PCDHA1: variants seen among roughly 807,000 people sequenced by gnomAD.
The protein encoded by PCDHA1 is protocadherin alpha-1.
A neutral mutation model predicts 61.3 loss-of-function variants in PCDHA1; 42 were observed. The ratio of observed to expected loss-of-function variants is 0.69; its 90% CI spans 0.54 to 0.89. The LOEUF is 0.89. Ranked by LOEUF, PCDHA1 falls within the 40% of genes least tolerant of loss-of-function variation. PCDHA1 has a pLI of 0.00. For missense variants in PCDHA1, 1,256 were observed against 1,235.3 expected (o/e 1.02, Z -0.25); for synonymous variants, 610 against 553.8 (o/e 1.10, Z -1.43).
chr5:140,954,996 A>G (rs879953600), intron 1 of PCDHA1, among the ~76,000 whole-genome samples: 16 of 152,214 alleles, frequency 1.1e-4, no homozygotes, highest in Non-Finnish European at 1.6e-4. Flanking sequence ...GCATATGGCT[A>G]GCCAATTCTC....
In PCDHA1 at chr5:140,965,644, G is replaced by C. The variant is rs201197561; in HGVS notation, c.2395-13305G>C. On this transcript the variant is annotated intron_variant, in intron 1 of 3. Transcript: ENST00000504120. Reference sequence around the variant, plus strand: ...AAAGAAAAAATTTTAAATTACTCTTGAAAGAAAATGTCTTGGGTGATAAAT... The same window carrying C: ...AAAGAAAAAATTTTAAATTACTCTTCAAAGAAAATGTCTTGGGTGATAAAT... Among the ~76,000 whole-genome samples, 13 of 152,146 alleles carry C rather than the reference G, an allele frequency of 8.5e-5. No individual in the cohort carries two copies. The East Asian group carries it at 2.5e-3, about 29-fold the overall frequency.
chr5:140,907,034 C>G (rs1554192846), intron 1 of PCDHA1, among the ~76,000 whole-genome samples: 1 of 152,142 alleles, frequency 6.6e-6, no homozygotes, highest in Admixed American at 6.5e-5. Context: ...AACATAATGT[C>G]ACAGGGACAG....
chr5:140,873,181 T>C (rs2153284921), intron 1 of PCDHA1, among the ~76,000 whole-genome samples: 1 of 152,304 alleles, frequency 6.6e-6, no homozygotes, highest in African/African-American at 2.4e-5. Flanking sequence ...TGTATCATAA[T>C]ATTCATTGGC....
intron 2 of PCDHA1, among the ~76,000 whole-genome samples, chr5:140,981,337 G>A (rs2096927522): frequency 6.6e-6 from 1 of 152,146 alleles, no homozygotes; most frequent in African/African-American, 2.4e-5. Context: ...ACTTTGGGAG[G>A]GTGAGGCAGG....
At chr5:140,825,266 T>C (rs1768494140) in intron 1 of PCDHA1, 2 of 151,016 alleles carry the variant, frequency 1.3e-5, no homozygotes, top group African/African-American at 4.8e-5. Flanking sequence ...AGGTATGTGA[T>C]TGGTTATTTT....
At chr5:140,977,816 T>C (rs2096776197) in intron 1 of PCDHA1, among the ~76,000 whole-genome samples, 1 of 152,190 alleles carries the variant, frequency 6.6e-6, no homozygotes, top group Non-Finnish European at 1.5e-5. Flanking sequence ...TTATTGACAG[T>C]TTTGAATGGT....
intron 1 of PCDHA1, among the ~76,000 whole-genome samples, chr5:140,952,680 G>A (rs1013469820): frequency 6.6e-6 from 1 of 152,128 alleles, no homozygotes; most frequent in Middle Eastern, 3.2e-3. Flanking sequence ...CACATTTTCA[G>A]GATCTTTATA....
chr5:140,937,292 C>T (rs575821972), intron 1 of PCDHA1, among the ~76,000 whole-genome samples: 2 of 152,238 alleles, frequency 1.3e-5, no homozygotes, highest in African/African-American at 4.8e-5. Context: ...CCGCTTCGGC[C>T]TCCCAAAGTG....
Position 141,010,331 on chromosome 5 carries a change from T to C in PCDHA1, c.*394T>C. 6.5e-7 allele frequency: 1 copy of C among 1,537,904 alleles called. No homozygotes were observed. Among genetic ancestry groups the C allele is most frequent in the Non-Finnish European group, 8.8e-7 (1 of 1,142,160 alleles). On this transcript the variant is annotated 3_prime_UTR_variant, in exon 4 of 4. Transcript: ENST00000504120. The stretch of plus-strand genomic sequence containing the variant: ...TTTTGAGATTGAGCAGCTTGGGAGT[T>C]TGTGGCCACTGGGTATGTGTGGCTA...
chr5:140,834,454 G>A, intron 1 of PCDHA1: 1 of 1,614,182 alleles, frequency 6.2e-7, no homozygotes, highest in South Asian at 1.1e-5. Flanking sequence ...CTAGCAGCTT[G>A]GGAGGCAGGG....
chr5:140,968,632 C>T, intron 1 of PCDHA1: 1 of 1,614,176 alleles, frequency 6.2e-7, no homozygotes, highest in Non-Finnish European at 8.5e-7. Flanking sequence ...GGCTTTTTTA[C>T]CATCTAGCCC....
Position 140,842,885 on chromosome 5 carries a change from C to T in PCDHA1, c.2394+54201C>T. 2 of 1,594,162 alleles carry T rather than the reference C, an allele frequency of 1.3e-6. 1 individual carries two copies. The highest frequency in any genetic ancestry group is 1.7e-6 in the Non-Finnish European group (2 of 1,165,432). On this transcript the variant is annotated intron_variant, in intron 1 of 3. Coordinates refer to ENST00000504120, the MANE Select transcript of PCDHA1 (RefSeq NM_018900.4). Reference sequence around the variant, plus strand: ...GAGCGGCAAGGTGTACGCGCTGCAGCCGCTGGACCACGAGGAGCTAGAGCT... The same window carrying T: ...GAGCGGCAAGGTGTACGCGCTGCAGTCGCTGGACCACGAGGAGCTAGAGCT...
intron 1 of PCDHA1, chr5:140,870,282 C>T (rs886699693): frequency 6.2e-7 from 1 of 1,614,228 alleles, no homozygotes; most frequent in Non-Finnish European, 8.5e-7. Context: ...CCCACGTTCC[C>T]TTCAAGCTGG....
chr5:140,967,056 G>A, intron 1 of PCDHA1: 1 of 1,612,712 alleles, frequency 6.2e-7, no homozygotes, highest in Non-Finnish European at 8.5e-7. Context: ...CTGACGAGTG[G>A]AGCGCTCTTC....
intron 1 of PCDHA1, chr5:140,825,350 T>C (rs548495464): frequency 2.0e-5 from 3 of 147,632 alleles, no homozygotes; most frequent in Non-Finnish European, 4.5e-5. Flanking sequence ...ATATATCTAA[T>C]ATATATTAGA....
chr5:140,871,461 A>G, intron 1 of PCDHA1: 1 of 1,605,278 alleles, frequency 6.2e-7, no homozygotes, highest in Non-Finnish European at 8.5e-7. Context: ...AGGAAGGGGA[A>G]AGACAGGAGC....
chr5:140,876,984 G>C (rs2056761931), intron 1 of PCDHA1: 9 of 1,612,672 alleles, frequency 5.6e-6, no homozygotes, highest in African/African-American at 1.3e-5. Flanking sequence ...AGCACGCACT[G>C]TCGAGCTACG....
At chr5:140,858,143 A>G in intron 1 of PCDHA1, 2 of 1,597,218 alleles carry the variant, frequency 1.3e-6, no homozygotes, top group Non-Finnish European at 1.7e-6. Flanking sequence ...CGTGTACCTG[A>G]TCATCGCCAT....
At chr5:140,911,968 T>A (rs1554195054) in intron 1 of PCDHA1, among the ~76,000 whole-genome samples, 2 of 152,138 alleles carry the variant, frequency 1.3e-5, no homozygotes, top group East Asian at 3.9e-4. Flanking sequence ...TAAGGAGTAT[T>A]AACTCACATG....
Sources: gnomAD v4.1 joint callset for allele counts (sites outside exome capture counted in the v4.1 genomes callset) on GRCh38, gnomAD v4.1.1 for gene constraint, MANE v1.5 for transcripts, NCBI Gene and HGNC (gene_info 2026-07-23, HGNC 2026-07-21) for gene names.